The following FBXW4 variants were observed in gnomAD, a reference collection of about 807,000 sequenced individuals.
FBXW4 encodes F-box and WD repeat domain containing 4.
Under a neutral mutation model 61.8 loss-of-function variants are expected in FBXW4, and 40 were observed. The observed-to-expected ratio is 0.65, with a 90% CI of 0.50 to 0.84. FBXW4 has a LOEUF of 0.84. FBXW4 is among the 40% of genes least tolerant of loss of function. The pLI is 0.00. For missense variants in FBXW4, 672 were observed against 753.8 expected (o/e 0.89, Z 1.27); for synonymous variants, 311 against 313.8 (o/e 0.99, Z 0.10).
chr10:101,665,248 C>G (rs74153049), intron 5 of FBXW4, among the ~76,000 whole-genome samples: 9,129 of 152,152 alleles, frequency 0.06, 882 homozygotes, highest in African/African-American at 0.21. Flanking sequence ...AGTGTAAAGA[C>G]AGAATCTCAA....
chr10:101,630,340 C>T (rs914826188), intron 5 of FBXW4, among the ~76,000 whole-genome samples: 1 of 152,176 alleles, frequency 6.6e-6, no homozygotes, highest in African/African-American at 2.4e-5. Context: ...TCCCGAACCG[C>T]CCTGCTTGTG....
intron 1 of FBXW4, among the ~76,000 whole-genome samples, chr10:101,683,494 C>T (rs1218048562): frequency 6.6e-6 from 1 of 152,166 alleles, no homozygotes; most frequent in Non-Finnish European, 1.5e-5. Flanking sequence ...CCACAGTAAG[C>T]TATCTGGCCC....
intron 6 of FBXW4, among the ~76,000 whole-genome samples, chr10:101,614,608 C>A (rs2063812500): frequency 6.6e-6 from 1 of 152,242 alleles, no homozygotes; most frequent in Non-Finnish European, 1.5e-5. Context: ...GCCCGCACAG[C>A]CTGGCAGGGG....
chr10:101,673,727 C>A, intron 2 of FBXW4, 54 bp from the exon 3 acceptor site: 1 of 1,542,376 alleles, frequency 6.5e-7, no homozygotes, highest in South Asian at 1.2e-5. Context: ...TATGAAAACT[C>A]AACTCCAATC....
At chr10:101,691,504 A>T (rs1033092834) in intron 1 of FBXW4, among the ~76,000 whole-genome samples, 1 of 152,254 alleles carries the variant, frequency 6.6e-6, no homozygotes, top group Non-Finnish European at 1.5e-5. Context: ...CACATGTCTA[A>T]TAAATAATAA....
At chr10:101,624,628 C>G in intron 6 of FBXW4, 117 bp downstream of exon 6, 1 of 1,100,614 alleles carries the variant, frequency 9.1e-7, no homozygotes. Flanking sequence ...AGGCCTCCTA[C>G]TAGACCACTT....
At chr10:101,645,661 G>T (rs926938615) in intron 5 of FBXW4, among the ~76,000 whole-genome samples, 1 of 152,222 alleles carries the variant, frequency 6.6e-6, no homozygotes, top group East Asian at 1.9e-4. Context: ...AGACGCTGGG[G>T]TGTTCAAGAA....
intron 5 of FBXW4, among the ~76,000 whole-genome samples, chr10:101,661,434 G>C (rs945717032): frequency 2.0e-5 from 3 of 152,204 alleles, no homozygotes; most frequent in African/African-American, 7.2e-5. Context: ...GCTTGCATAT[G>C]CATGGGCAAT....
chr10:101,668,286 AGTGG>A (rs1039431109), intron 4 of FBXW4, among the ~76,000 whole-genome samples: 3 of 152,314 alleles, frequency 2.0e-5, no homozygotes, highest in Admixed American at 2.0e-4. Flanking sequence ...ACTGAGAAGA[AGTGG>A]GTGGGTGGGG....
intron 5 of FBXW4, among the ~76,000 whole-genome samples, chr10:101,635,835 G>A (rs1376076721): frequency 2.8e-5 from 4 of 142,066 alleles, no homozygotes; most frequent in African/African-American, 5.2e-5. Flanking sequence ...AGCAAGACCC[G>A]GTCTCAGAAA....
At chr10:101,627,724 C>A (rs2063918431) in intron 5 of FBXW4, among the ~76,000 whole-genome samples, 1 of 152,176 alleles carries the variant, frequency 6.6e-6, no homozygotes, top group African/African-American at 2.4e-5. Flanking sequence ...ACAATGAGCC[C>A]ACAAGATAGA....
intron 5 of FBXW4, among the ~76,000 whole-genome samples, chr10:101,645,215 G>A (rs1473407180): frequency 6.6e-6 from 1 of 152,192 alleles, no homozygotes; most frequent in Non-Finnish European, 1.5e-5. Context: ...CAGTTCAGAT[G>A]TGAAGCCAGA....
intron 5 of FBXW4, among the ~76,000 whole-genome samples, chr10:101,664,306 T>C (rs1055863211): frequency 6.6e-6 from 1 of 152,172 alleles, no homozygotes; most frequent in African/African-American, 2.4e-5. Flanking sequence ...TTATTTTAAA[T>C]AGAAGAAAGA....
rs1284598152 is a variant in FBXW4 at position 101,673,575 on chromosome 10, T to G, written c.920A>C (p.Asn307Thr). ...YQFRPDGASL[N>T]RRPLGVFAGH... ...AGCAAAGACTCCCAGAGGCCGACGA[T>G]TCAAGCTGGCACCATCTGGACGGAA... Residue 307 changes from asparagine to threonine, a missense_variant, in exon 3 of 9, where the codon AAT (asparagine) becomes ACT (threonine). Physicochemically the swap from Asn to Thr is moderately conservative, Grantham distance 65. Around this residue, in one of 5 missense-constraint regions of FBXW4, gnomAD observed 312 missense variants for 370.1 expected, o/e 0.84. Coordinates refer to ENST00000331272, the MANE Select transcript of FBXW4 (RefSeq NM_022039.4). The G allele has an allele frequency of 5.0e-6, 8 of 1,613,892 alleles. No homozygotes were observed. In the African/African-American group the frequency reaches 9.3e-5, roughly 19 times the overall value.
chr10:101,641,547 C>T (rs1231814193), intron 5 of FBXW4, among the ~76,000 whole-genome samples: 2 of 152,064 alleles, frequency 1.3e-5, no homozygotes, highest in Non-Finnish European at 2.9e-5. Flanking sequence ...ACTTCTGAAT[C>T]CCTCTGAGTG....
At chr10:101,612,613 G>A in intron 6 of FBXW4, 136 bp from the exon 7 acceptor site, 1 of 1,028,702 alleles carries the variant, frequency 9.7e-7, no homozygotes, top group Non-Finnish European at 1.3e-6. Context: ...GGGGCTCAGG[G>A]AGGAGATGCC....
chr10:101,617,101 A>G (rs1468842730), intron 6 of FBXW4, among the ~76,000 whole-genome samples: 1 of 152,220 alleles, frequency 6.6e-6, no homozygotes, highest in Non-Finnish European at 1.5e-5. Context: ...CAGCTCACAT[A>G]TCCTGAGTCC....
intron 5 of FBXW4, among the ~76,000 whole-genome samples, chr10:101,635,950 A>T (rs1370010822): frequency 1.3e-5 from 2 of 152,202 alleles, no homozygotes; most frequent in Non-Finnish European, 2.9e-5. Flanking sequence ...CGATCTTATA[A>T]ATCACAGGCA....
At chr10:101,660,653 C>G (rs572195082) in intron 5 of FBXW4, among the ~76,000 whole-genome samples, 2 of 152,210 alleles carry the variant, frequency 1.3e-5, no homozygotes, top group African/African-American at 4.8e-5. Context: ...TGGAAAAACA[C>G]AGGCACGTTG....
Sources: allele counts gnomAD v4.1 joint callset (sites outside exome capture counted in the v4.1 genomes callset), GRCh38; gene constraint gnomAD v4.1.1; regional missense constraint gnomAD v4.1.1; transcripts MANE v1.5; gene names NCBI Gene and HGNC (gene_info 2026-07-23, HGNC 2026-07-21).